CELF2: variants seen among roughly 807,000 people sequenced by gnomAD.
The protein encoded by CELF2 is CUG triplet repeat RNA-binding protein 2.
CELF2 carries 8 observed loss-of-function variants against 62.6 expected under a neutral mutation model. The ratio of observed to expected loss-of-function variants is 0.13; its 90% CI spans 0.07 to 0.23. The LOEUF (loss-of-function observed/expected upper bound fraction) is 0.23. Ranked by LOEUF, CELF2 falls within the 10% of genes least tolerant of loss-of-function variation. CELF2 has a pLI of 1.00. For synonymous variants in CELF2, 258 were observed against 250.0 expected (o/e 1.03, Z -0.30); for missense variants, 333 against 671.0 (o/e 0.50, Z 5.56).
chr10:11,246,854 G>A lies in CELF2; in HGVS notation c.355-2299G>A, dbSNP rs570324849. ...GCCCTGGCCCGTCTCTCGAGCCTGAGCCCCATGATTACAACTTCTGTCTGT... is the reference window on the plus strand; with the variant it reads ...GCCCTGGCCCGTCTCTCGAGCCTGAACCCCATGATTACAACTTCTGTCTGT... On this transcript the variant is annotated intron_variant, in intron 3 of 12. Coordinates refer to ENST00000633077, the MANE Select transcript of CELF2 (RefSeq NM_001326342.2). The surrounding 1 kb of genome is among the most constrained non-coding windows in gnomAD (Gnocchi z 4.6). Among the ~76,000 whole-genome samples, 36 of 152,290 alleles carry A rather than the reference G, an allele frequency of 2.4e-4. No individual in the cohort carries two copies. Among genetic ancestry groups the A allele is most frequent in the Non-Finnish European group, 4.6e-4 (31 of 68,026 alleles).
rs144740185 is a variant in CELF2 at position 11,156,470 on chromosome 10, C to T, written c.75-9016C>T. The stretch of plus-strand genomic sequence containing the variant: ...AGCCCTCTTATTTAATACCCTGCAA[C>T]GCCCTCCCCTGCATGCTTTATTTGT... On this transcript the variant is annotated intron_variant, in intron 1 of 12. Transcript: ENST00000633077. The surrounding 1 kb of genome is among the most constrained non-coding windows in gnomAD (Gnocchi z 4.3). 9.9e-5 allele frequency among the ~76,000 whole-genome samples: 15 copies of T among 152,224 alleles called. No individual in the cohort carries two copies. Among genetic ancestry groups the T allele is most frequent in the South Asian group, 4.1e-4 (2 of 4,822 alleles).
intron 8 of CELF2, among the ~76,000 whole-genome samples, chr10:11,284,494 T>G (rs1404103194): frequency 6.4e-5 from 7 of 108,724 alleles, no homozygotes; most frequent in African/African-American, 7.2e-5. Context: ...GGGATGAGTG[T>G]GTGGTGGGGG....
At chr10:11,058,570 G>A (rs1461122824) in intron 1 of CELF2, among the ~76,000 whole-genome samples, 8 of 148,742 alleles carry the variant, frequency 5.4e-5, no homozygotes, top group African/African-American at 7.4e-5. Context: ...AGGTTCAAGC[G>A]ATTCTCCTGT....
chr10:11,031,001 G>T (rs370506579), intron 1 of CELF2: 12 of 152,268 alleles, frequency 7.9e-5, no homozygotes, highest in African/African-American at 2.9e-4. Context: ...TATGATAACG[G>T]TATATTTTAT....
intron 1 of CELF2, among the ~76,000 whole-genome samples, chr10:11,123,299 G>A (rs1465498967): frequency 6.6e-6 from 1 of 152,098 alleles, no homozygotes; most frequent in African/African-American, 2.4e-5. Context: ...CACCCAGGCT[G>A]GAATACCATG....
chr10:10,601,727 T>C, the CELF2 span, among the ~76,000 whole-genome samples: 6 of 144,794 alleles, frequency 4.1e-5, no homozygotes, highest in African/African-American at 1.5e-4. Context: ...GGTTCATTCT[T>C]TTTTTTTTTT....
At chr10:10,490,292 C>T in the CELF2 span, among the ~76,000 whole-genome samples, 1 of 152,120 alleles carries the variant, frequency 6.6e-6, no homozygotes, top group African/African-American at 2.4e-5. Flanking sequence ...GGTTTTAAGG[C>T]TTGCAAAATT....
At chr10:10,857,311 C>T (rs1469966052) in intron 1 of CELF2, among the ~76,000 whole-genome samples, 1 of 151,874 alleles carries the variant, frequency 6.6e-6, no homozygotes, top group Non-Finnish European at 1.5e-5. Flanking sequence ...GTTTCATTTC[C>T]AACCAGATGC....
At chr10:10,564,760 G>T in the CELF2 span, among the ~76,000 whole-genome samples, 1 of 150,620 alleles carries the variant, frequency 6.6e-6, no homozygotes, top group East Asian at 2.0e-4. Context: ...CCCAGGCTTG[G>T]GTTCCACAGT....
At chr10:10,767,527 A>G in the CELF2 span, among the ~76,000 whole-genome samples, 1 of 152,192 alleles carries the variant, frequency 6.6e-6, no homozygotes, top group Non-Finnish European at 1.5e-5. Context: ...GAAGAGAAGC[A>G]GGGTGAGGGA....
At chr10:10,849,987 GA>G (rs111640292) in intron 1 of CELF2, among the ~76,000 whole-genome samples, 24 of 147,314 alleles carry the variant, frequency 1.6e-4, no homozygotes, top group South Asian at 4.3e-4. Context: ...CTAAAAATAC[GA>G]AAAAAAAAAA....
the CELF2 span, among the ~76,000 whole-genome samples, chr10:10,779,608 C>T: frequency 5.9e-5 from 9 of 152,046 alleles, no homozygotes; most frequent in Admixed American, 4.6e-4. Flanking sequence ...GAACATCCAG[C>T]GAAGGGTTTT....
chr10:11,089,046 A>ACCAGAAAAG (rs2141850994), intron 1 of CELF2, among the ~76,000 whole-genome samples: 1 of 152,294 alleles, frequency 6.6e-6, no homozygotes, highest in East Asian at 1.9e-4. Context: ...ACCAGGAGAA[A>ACCAGAAAAG]GCTGTACAGT....
chr10:11,231,540 G>A (rs1179291286), intron 3 of CELF2, among the ~76,000 whole-genome samples: 1 of 151,990 alleles, frequency 6.6e-6, no homozygotes, highest in East Asian at 1.9e-4. Flanking sequence ...GATCCGGAAG[G>A]AGTATGTGGG....
At chr10:10,468,737 G>A in the CELF2 span, among the ~76,000 whole-genome samples, 28 of 152,062 alleles carry the variant, frequency 1.8e-4, 1 homozygote, top group East Asian at 4.1e-3. Context: ...CCTCAACACT[G>A]TTCTCATCCC....
chr10:10,472,751 T>C, the CELF2 span, among the ~76,000 whole-genome samples: 8 of 152,012 alleles, frequency 5.3e-5, no homozygotes, highest in Admixed American at 5.3e-4. Context: ...ATTAATGCAA[T>C]GTTTGTCTTC....
In CELF2 at chr10:10,860,745, G is replaced by A. The variant is rs181990095; in HGVS notation, c.54-59219G>A. On this transcript the variant is annotated intron_variant, in intron 1 of 13. Transcript: ENST00000636488. ...CAGTATTTATAGATAGGAAAAGGAA[G>A]TGACGTACAGAGACAGCTTGATTGG... Among the ~76,000 whole-genome samples the A allele has an allele frequency of 3.0e-4, 45 of 152,352 alleles. 1 individual carries two copies. In the East Asian group the frequency reaches 8.5e-3, roughly 29 times the overall value.
chr10:11,254,561 G>C (rs763096936), intron 4 of CELF2, among the ~76,000 whole-genome samples: 1 of 152,112 alleles, frequency 6.6e-6, no homozygotes, highest in Non-Finnish European at 1.5e-5. Flanking sequence ...GTTCGTCTTA[G>C]GAAAAAAATC....
intron 1 of CELF2, among the ~76,000 whole-genome samples, chr10:11,082,703 G>C (rs2074349194): frequency 6.6e-6 from 1 of 152,186 alleles, no homozygotes; most frequent in South Asian, 2.1e-4. Context: ...CCAAATTTAA[G>C]TTGAAAACCA....
Sources: gnomAD v4.1 joint callset for allele counts (sites outside exome capture counted in the v4.1 genomes callset) on GRCh38, gnomAD v4.1.1 for gene constraint, Gnocchi (gnomAD v3.1) non-coding constraint, MANE v1.5 for transcripts, NCBI Gene and HGNC (gene_info 2026-07-23, HGNC 2026-07-21) for gene names.